Variants in TLL1 observed in about 807,000 individuals in gnomAD.
TLL1 encodes the protein tolloid-like protein 1.
A neutral mutation model predicts 128.2 loss-of-function variants in TLL1; 49 were observed. That is an observed-to-expected ratio of 0.38 (90% CI 0.30 to 0.48). The LOEUF (loss-of-function observed/expected upper bound fraction) is 0.48. Among genes scored for constraint, TLL1 ranks in the 20% least tolerant of loss-of-function variants. TLL1 has a pLI of 0.96. For missense variants in TLL1, 1,123 were observed against 1,242.0 expected, an observed-to-expected ratio of 0.90 and a Z score of 1.44; for synonymous variants, 454 against 418.8, an observed-to-expected ratio of 1.08 and a Z score of -1.03.
chr4:166,044,569 C>CT, intron 12 of TLL1: 1 of 771,402 alleles, frequency 1.3e-6, no homozygotes. Flanking sequence ...TGCTCCAGAC[C>CT]ATTTTTTTTT....
chr4:166,025,440 T>C lies in TLL1; in HGVS notation c.1158+9T>C. On this transcript the variant is annotated intron_variant, in intron 9 of 20. Coordinates refer to ENST00000061240, the MANE Select transcript of TLL1 (RefSeq NM_012464.5). Reference sequence around the variant, plus strand: ...TGACCCCAGGGGAGAAGGTAGTTTATACCGTCAAGCCCACTATTTTATTCT... The same window carrying C: ...TGACCCCAGGGGAGAAGGTAGTTTACACCGTCAAGCCCACTATTTTATTCT... The C allele has an allele frequency of 6.4e-7, 1 of 1,568,116 alleles. No individual in the cohort carries two copies. The highest frequency in any genetic ancestry group is 1.4e-5 in the African/African-American group (1 of 73,986).
intron 1 of TLL1, among the ~76,000 whole-genome samples, chr4:165,935,376 C>T (rs1301614842): frequency 6.6e-6 from 1 of 152,248 alleles, no homozygotes; most frequent in Non-Finnish European, 1.5e-5. Flanking sequence ...TGTCTGGCAT[C>T]TGTCTCTTTT....
At chr4:166,069,147 T>C (rs907743968) in intron 16 of TLL1, among the ~76,000 whole-genome samples, 2 of 151,966 alleles carry the variant, frequency 1.3e-5, no homozygotes, top group African/African-American at 4.8e-5. Flanking sequence ...ATTTCTTCAT[T>C]AGTTAATAAG....
intron 1 of TLL1, chr4:165,919,964 G>A (rs1732971846): frequency 7.8e-6 from 3 of 382,246 alleles, no homozygotes; most frequent in South Asian, 1.9e-5. Flanking sequence ...AATTTGGGGG[G>A]CTAAATCCCT....
At chr4:165,996,788 G>A (rs925444127) in intron 5 of TLL1, among the ~76,000 whole-genome samples, 1 of 150,950 alleles carries the variant, frequency 6.6e-6, no homozygotes, top group African/African-American at 2.4e-5. Flanking sequence ...TTGCACTCTT[G>A]AAGTTAGCCC....
At chr4:166,005,617 A>G (rs1029087505) in intron 6 of TLL1, among the ~76,000 whole-genome samples, 6 of 152,096 alleles carry the variant, frequency 3.9e-5, no homozygotes, top group African/African-American at 1.2e-4. Flanking sequence ...TGAGCCGACT[A>G]TCAAGATTCG....
At chr4:166,017,605 T>G (rs565969344) in intron 8 of TLL1, among the ~76,000 whole-genome samples, 101 of 152,154 alleles carry the variant, frequency 6.6e-4, no homozygotes, top group Non-Finnish European at 1.1e-3. Context: ...GTCTATTGTT[T>G]TTCATTTTTT....
At chr4:166,080,524 C>T (rs1054892974) in intron 18 of TLL1, among the ~76,000 whole-genome samples, 4 of 151,950 alleles carry the variant, frequency 2.6e-5, no homozygotes, top group African/African-American at 7.3e-5. Context: ...GCCATGTGCT[C>T]GAGTCTGTTC....
At chr4:166,080,409 A>G (rs1199182716) in intron 18 of TLL1, among the ~76,000 whole-genome samples, 1 of 152,072 alleles carries the variant, frequency 6.6e-6, no homozygotes, top group Non-Finnish European at 1.5e-5. Flanking sequence ...ATCTGCTGAA[A>G]TCTCCCATCT....
At chr4:165,903,023 C>A (rs1233882131) in intron 1 of TLL1, among the ~76,000 whole-genome samples, 1 of 152,132 alleles carries the variant, frequency 6.6e-6, no homozygotes, top group African/African-American at 2.4e-5. Flanking sequence ...ATAAGTTCTG[C>A]TCATCAAAAG....
At chr4:165,886,479 A>G (rs1177636990) in intron 1 of TLL1, among the ~76,000 whole-genome samples, 2 of 152,166 alleles carry the variant, frequency 1.3e-5, no homozygotes, top group Non-Finnish European at 2.9e-5. Flanking sequence ...AAAATCTGCT[A>G]GAAAAAAAGT....
rs985162392 is a variant in TLL1 at position 166,103,254 on chromosome 4, T to C, written c.*2378T>C. ...AAACTTTCCCACATAAAGTAAATTT[T>C]AGGGGTGAATTAGAGTAAAACTTAC... On this transcript the variant is annotated 3_prime_UTR_variant, in exon 21 of 21. Coordinates refer to ENST00000061240, the MANE Select transcript of TLL1 (RefSeq NM_012464.5). 4.0e-5 allele frequency: 6 copies of C among 151,796 alleles called. No homozygotes were observed. The highest frequency in any genetic ancestry group is 2.6e-4 in the Admixed American group (4 of 15,164). The allele number at this position is 151,796 out of a possible 1,614,324, so 9.4% of individuals were successfully genotyped here.
intron 1 of TLL1, among the ~76,000 whole-genome samples, chr4:165,973,648 G>C (rs916345386): frequency 1.3e-5 from 2 of 151,680 alleles, no homozygotes; most frequent in Non-Finnish European, 2.9e-5. Context: ...CTTAACAAGG[G>C]AGTAAGCATT....
intron 9 of TLL1, among the ~76,000 whole-genome samples, chr4:166,037,043 A>G (rs1260204187): frequency 1.3e-5 from 2 of 152,096 alleles, no homozygotes; most frequent in Admixed American, 1.3e-4. Flanking sequence ...GTTTGTGTCT[A>G]TATTCAAGTT....
intron 1 of TLL1, among the ~76,000 whole-genome samples, chr4:165,956,278 C>A (rs552170868): frequency 6.6e-6 from 1 of 152,184 alleles, no homozygotes; most frequent in African/African-American, 2.4e-5. Context: ...GAGAACCGAT[C>A]TGACCACAAA....
rs571011926 is a variant in TLL1, at chr4:165,926,548, G to C, written c.169+52475G>C. Among the ~76,000 whole-genome samples the C allele has an allele frequency of 9.2e-5, 14 of 152,318 alleles. 1 individual carries two copies. The South Asian group carries it at 2.9e-3, about 32-fold the overall frequency. Reference sequence around the variant, plus strand: ...ACTCTGTCTCAGGAAGCAGAAGGCAGAGGGGGGAGTCCTCTGTCTTAAGTA... The same window carrying C: ...ACTCTGTCTCAGGAAGCAGAAGGCACAGGGGGGAGTCCTCTGTCTTAAGTA... On this transcript the variant is annotated intron_variant, in intron 1 of 20. Coordinates refer to ENST00000061240, the MANE Select transcript of TLL1 (RefSeq NM_012464.5).
chr4:166,042,578 C>T (rs1739286553), intron 11 of TLL1, among the ~76,000 whole-genome samples: 1 of 152,158 alleles, frequency 6.6e-6, no homozygotes, highest in Admixed American at 6.5e-5. Context: ...ATAAGAGAGT[C>T]AGCATTTGAG....
chr4:166,055,230 G>C lies in TLL1; in HGVS notation c.1679G>C (p.Gly560Ala). The C allele has an allele frequency of 6.2e-7, 1 of 1,613,694 alleles. No homozygotes were observed. Among genetic ancestry groups the C allele is most frequent in the Non-Finnish European group, 8.5e-7 (1 of 1,179,796 alleles). The change falls in exon 13 of 21, where the codon GGA becomes GCA. Residue 560 changes from glycine (G) to alanine (A), a missense_variant. By Grantham distance (60) the Gly-to-Ala change is moderately conservative (BLOSUM62 0). This residue lies in a region of TLL1 where 634 missense variants were observed against 672.4 expected (regional missense o/e 0.94). Coordinates refer to ENST00000061240, the MANE Select transcript of TLL1 (RefSeq NM_012464.5). ...NTLWMKFVSD[G>A]TVNKAGFAAN... is the part of the protein sequence containing the mutation. ...TTGTGGATGAAGTTTGTTTCTGACG[G>C]AACTGTGAACAAAGCAGGGTTTGCT...
At chr4:165,881,505 C>G (rs751444830) in intron 1 of TLL1, among the ~76,000 whole-genome samples, 2 of 152,170 alleles carry the variant, frequency 1.3e-5, no homozygotes, top group African/African-American at 4.8e-5. Context: ...GACATCCATC[C>G]GTTGTGATTT....
Sources: gnomAD v4.1 joint callset for allele counts (sites outside exome capture counted in the v4.1 genomes callset) on GRCh38, gnomAD v4.1.1 for gene constraint, gnomAD v4.1.1 regional missense constraint, MANE v1.5 for transcripts, NCBI Gene and HGNC (gene_info 2026-07-23, HGNC 2026-07-21) for gene names.